The following EPHX4 variants were observed in gnomAD, a reference collection of about 807,000 sequenced individuals.
The protein encoded by EPHX4 is abhydrolase domain containing 7.
Under a neutral mutation model 44.9 loss-of-function variants are expected in EPHX4, and 31 were observed. That is an observed-to-expected ratio of 0.69 (90% CI 0.52 to 0.93). The LOEUF is 0.93. Among genes scored for constraint, EPHX4 ranks in the 40% least tolerant of loss-of-function variants. The probability of loss-of-function intolerance (pLI) is 0.00; values close to 1 mark genes in which losing one functional copy is unlikely to be tolerated. For synonymous variants in EPHX4, 151 were observed against 159.7 expected (o/e 0.95, Z 0.41); for missense variants, 373 against 438.1 (o/e 0.85, Z 1.33).
At chr1:92,061,676 T>C (rs968786324) in intron 6 of EPHX4, among the ~76,000 whole-genome samples, 13 of 152,216 alleles carry the variant, frequency 8.5e-5, no homozygotes, top group African/African-American at 3.1e-4. Context: ...AAGTCATTTA[T>C]GAGTTATGCC....
In EPHX4 at chr1:92,033,997, CT is replaced by C. The variant is rs36075635; in HGVS notation, c.317+1428del. 7.2e-3 allele frequency among the ~76,000 whole-genome samples: 781 copies of C among 109,118 alleles called. 23 individuals carry two copies. The highest frequency in any genetic ancestry group is 0.063 in the Admixed American group (562 of 8,892). The allele number at this position is 109,118 out of a possible 152,430, so 71.6% of individuals were successfully genotyped here. On this transcript the variant is annotated intron_variant, in intron 2 of 6. Coordinates refer to ENST00000370383, the MANE Select transcript of EPHX4 (RefSeq NM_173567.5). ...CAGATGAAAGCAACACATGTTTAAA[CT>C]TTTTTTTTTTTTTTTTTTTTAATGA...
intron 6 of EPHX4, 77 bp from the exon 7 acceptor site, chr1:92,062,978 A>G: frequency 2.4e-6 from 3 of 1,253,396 alleles, no homozygotes; most frequent in Non-Finnish European, 3.4e-6. Flanking sequence ...AGAATGTATG[A>G]CCTACTGGGG....
chr1:92,052,562 G>A lies in EPHX4; in HGVS notation c.761G>A (p.Cys254Tyr). 6.2e-7 allele frequency: 1 copy of A among 1,612,286 alleles called. No homozygotes were observed. The highest frequency in any genetic ancestry group is 1.7e-4 in the Middle Eastern group (1 of 6,056). The change falls in exon 6 of 7, where the codon TGC becomes TAC. Residue 254 changes from cysteine (C) to tyrosine (Y), a missense_variant. Cys to Tyr is a radical substitution (Grantham distance 194, BLOSUM62 -2). Coordinates refer to ENST00000370383, the MANE Select transcript of EPHX4 (RefSeq NM_173567.5). ...AGCACTGGCATTGGAAGAAAAGGATGCCAATTAACAACAGAGGATCTTGAA... is the reference window on the plus strand; with the variant it reads ...AGCACTGGCATTGGAAGAAAAGGATACCAATTAACAACAGAGGATCTTGAA... ...SHSTGIGRKG[C>Y]QLTTEDLEAY...
chr1:92,040,151 A>T (rs572325024), intron 2 of EPHX4, among the ~76,000 whole-genome samples: 1 of 150,326 alleles, frequency 6.7e-6, no homozygotes, highest in Non-Finnish European at 1.5e-5. Flanking sequence ...TCCTGATGAT[A>T]TAAGGTGGTT....
Position 92,038,727 on chromosome 1 carries a change from G to A in EPHX4, c.318-4096G>A, listed in dbSNP as rs934727437. 3.3e-5 allele frequency among the ~76,000 whole-genome samples: 5 copies of A among 152,174 alleles called. No individual in the cohort carries two copies. The East Asian group carries it at 9.6e-4, about 29-fold the overall frequency. ...AGGGGTGAGAGTCAGGGATTATGGG[G>A]TAATAGGGGAATGGTGGGGAGTGAT... On this transcript the variant is annotated intron_variant, in intron 2 of 6. Transcript: ENST00000370383.
In EPHX4 at chr1:92,042,839, CAACT is replaced by C; in HGVS notation, c.335_338del (p.Gln112ArgfsTer11). 2 of 1,610,774 alleles carry C rather than the reference CAACT, an allele frequency of 1.2e-6. No individual in the cohort carries two copies. Among genetic ancestry groups the C allele is most frequent in the Non-Finnish European group, 1.7e-6 (2 of 1,178,932 alleles). ...TTCCTGCAGGTATTCTTGGCGTTAC[CAACT>C]GAGAGAATTTAAAAGTGAATATCGA... is the stretch of plus-strand genomic sequence containing the variant. On this transcript the variant is annotated frameshift_variant, in exon 3 of 7. Coordinates refer to ENST00000370383, the MANE Select transcript of EPHX4 (RefSeq NM_173567.5). LOFTEE classifies it high-confidence loss of function.
intron 6 of EPHX4, among the ~76,000 whole-genome samples, chr1:92,059,967 C>A (rs1647459674): frequency 6.6e-6 from 1 of 151,742 alleles, no homozygotes; most frequent in Non-Finnish European, 1.5e-5. Flanking sequence ...TCAAAGGACA[C>A]CATCTCAAAG....
chr1:92,045,742 A>G (rs373287309), intron 4 of EPHX4, 82 bp downstream of exon 4: 2 of 1,512,558 alleles, frequency 1.3e-6, no homozygotes, highest in East Asian at 2.3e-5. Context: ...AGAAACAGCA[A>G]AATTTGGTTA....
chr1:92,039,441 G>A (rs562300747), intron 2 of EPHX4, among the ~76,000 whole-genome samples: 2 of 152,050 alleles, frequency 1.3e-5, no homozygotes, highest in African/African-American at 4.8e-5. Context: ...TGGGTAGGAT[G>A]GATTATAAAG....
chr1:92,060,095 A>G (rs992618936), intron 6 of EPHX4, among the ~76,000 whole-genome samples: 5 of 151,900 alleles, frequency 3.3e-5, no homozygotes, highest in Non-Finnish European at 5.9e-5. Context: ...TATCATGTTC[A>G]TGAGTGGAAA....
chr1:92,051,131 C>A (rs1647240506), intron 5 of EPHX4, among the ~76,000 whole-genome samples: 1 of 152,066 alleles, frequency 6.6e-6, no homozygotes, highest in South Asian at 2.1e-4. Context: ...CCACTCCCGA[C>A]ATAAATGCTT....
chr1:92,030,065 C>G lies in EPHX4; in HGVS notation c.-15C>G. Reference sequence around the variant, plus strand: ...GCTCCCGAGGAAGGGCAGTGGGCCCCGCCGCCGCCTCCCAATGGCGAGGCT... The same window carrying G: ...GCTCCCGAGGAAGGGCAGTGGGCCCGGCCGCCGCCTCCCAATGGCGAGGCT... On this transcript the variant is annotated 5_prime_UTR_variant, in exon 1 of 7. Transcript: ENST00000370383. The G allele has an allele frequency of 2.6e-6, 4 of 1,562,252 alleles. No homozygotes were observed. Among genetic ancestry groups the G allele is most frequent in the Non-Finnish European group, 3.5e-6 (4 of 1,157,110 alleles).
At chr1:92,059,484 A>C (rs950873281) in intron 6 of EPHX4, among the ~76,000 whole-genome samples, 3 of 152,126 alleles carry the variant, frequency 2.0e-5, no homozygotes, top group Non-Finnish European at 4.4e-5. Flanking sequence ...ATTCACCACT[A>C]TATTATGTCT....
At chr1:92,033,436 A>G (rs1688389377) in intron 2 of EPHX4, among the ~76,000 whole-genome samples, 1 of 152,188 alleles carries the variant, frequency 6.6e-6, no homozygotes, top group South Asian at 2.1e-4. Context: ...TATAGACAAA[A>G]TACAACACTG....
At position 92,044,497 on chromosome 1, in the gene EPHX4, T is replaced by C. The variant is rs546526308; in HGVS notation, c.476-1035T>C. Among the ~76,000 whole-genome samples, 4 of 152,334 alleles carry C rather than the reference T, an allele frequency of 2.6e-5. No homozygotes were observed. In the South Asian group the frequency reaches 8.3e-4, roughly 32 times the overall value. On this transcript the variant is annotated intron_variant, in intron 3 of 6. Transcript: ENST00000370383. ...TAAGCAATTTTAAGTACTCCAGGAA[T>C]AAATTACAAATGAATTTTATGCATC...
At chr1:92,060,308 G>A (rs1280338352) in intron 6 of EPHX4, among the ~76,000 whole-genome samples, 1 of 151,594 alleles carries the variant, frequency 6.6e-6, no homozygotes, top group African/African-American at 2.4e-5. Context: ...CAGCTACTCA[G>A]GAGGTTCAGG....
intron 4 of EPHX4, among the ~76,000 whole-genome samples, chr1:92,047,034 G>C (rs1292549793): frequency 6.6e-6 from 1 of 152,204 alleles, no homozygotes; most frequent in Non-Finnish European, 1.5e-5. Flanking sequence ...TTGCAAAGCT[G>C]TGAAGCTCAC....
chr1:92,057,889 C>T (rs1178086042), intron 6 of EPHX4, among the ~76,000 whole-genome samples: 1 of 152,072 alleles, frequency 6.6e-6, no homozygotes, highest in Admixed American at 6.5e-5. Context: ...GTGTGAACCA[C>T]CGGCACCCGG....
chr1:92,056,257 A>G (rs1647362858), intron 6 of EPHX4, among the ~76,000 whole-genome samples: 1 of 152,184 alleles, frequency 6.6e-6, no homozygotes, highest in Non-Finnish European at 1.5e-5. Context: ...ATAGTACATT[A>G]TAGTCAGGCA....
Sources: allele counts gnomAD v4.1 joint callset (sites outside exome capture counted in the v4.1 genomes callset), GRCh38; gene constraint gnomAD v4.1.1; transcripts MANE v1.5; gene names NCBI Gene and HGNC (gene_info 2026-07-23, HGNC 2026-07-21).